HS3ST4: variants seen among roughly 807,000 people sequenced by gnomAD.
HS3ST4 encodes heparan sulfate-glucosamine 3-sulfotransferase 4.
In HS3ST4, 17 loss-of-function variants were observed where a neutral mutation model predicts 29.2. The ratio of observed to expected loss-of-function variants is 0.58; its 90% CI spans 0.40 to 0.87. HS3ST4 has a LOEUF of 0.87. Among genes scored for constraint, HS3ST4 ranks in the 40% least tolerant of loss-of-function variants. The pLI, the probability that HS3ST4 is intolerant of heterozygous loss-of-function variation, is 0.00. For missense variants in HS3ST4, 627 were observed against 634.5 expected (o/e 0.99, Z 0.13); for synonymous variants, 314 against 285.7 (o/e 1.10, Z -1.00).
At chr16:26,097,105 CA>C (rs2141794035) in intron 1 of HS3ST4, among the ~76,000 whole-genome samples, 1 of 152,286 alleles carries the variant, frequency 6.6e-6, no homozygotes, top group South Asian at 2.1e-4. Context: ...AATGGAAGAA[CA>C]TTCCATGCTC....
intron 1 of HS3ST4, among the ~76,000 whole-genome samples, chr16:25,991,066 T>C (rs1199206574): frequency 6.7e-6 from 1 of 148,816 alleles, no homozygotes; most frequent in Non-Finnish European, 1.5e-5. Context: ...GACCTCAGCA[T>C]GCTCTCCAAG....
intron 1 of HS3ST4, among the ~76,000 whole-genome samples, chr16:25,828,538 A>G (rs763542656): frequency 2.6e-5 from 4 of 151,842 alleles, no homozygotes; most frequent in Non-Finnish European, 5.9e-5. Context: ...ATGGGGTTTC[A>G]TCTTGTTGGC....
chr16:25,865,668 A>G (rs1002907497), intron 1 of HS3ST4, among the ~76,000 whole-genome samples: 2 of 152,220 alleles, frequency 1.3e-5, no homozygotes, highest in Admixed American at 6.5e-5. Context: ...AAGTAAATCA[A>G]TCAATTTATG....
chr16:25,944,984 A>G (rs1441373425), intron 1 of HS3ST4, among the ~76,000 whole-genome samples: 1 of 152,198 alleles, frequency 6.6e-6, no homozygotes, highest in East Asian at 1.9e-4. Flanking sequence ...AATTTCATAA[A>G]ATGTTACTAT....
chr16:26,102,017 G>T (rs1898995803), intron 1 of HS3ST4, among the ~76,000 whole-genome samples: 1 of 152,028 alleles, frequency 6.6e-6, no homozygotes, highest in African/African-American at 2.4e-5. Flanking sequence ...TACATTGTTT[G>T]TTTGTTTGTT....
intron 1 of HS3ST4, among the ~76,000 whole-genome samples, chr16:25,775,188 G>A (rs1158113909): frequency 6.6e-6 from 1 of 152,152 alleles, no homozygotes; most frequent in Non-Finnish European, 1.5e-5. Context: ...ATGTGTCGGA[G>A]GATGGTTTGC....
rs188777892 is a variant in HS3ST4, at chr16:26,111,538, G to A, written c.735-24074G>A. Among the ~76,000 whole-genome samples the A allele has an allele frequency of 1.6e-4, 25 of 152,202 alleles. No homozygotes were observed. In the East Asian group the frequency reaches 4.8e-3, roughly 29 times the overall value. On this transcript the variant is annotated intron_variant, in intron 1 of 1. Coordinates refer to ENST00000331351, the MANE Select transcript of HS3ST4 (RefSeq NM_006040.3). The stretch of plus-strand genomic sequence containing the variant: ...AAGCTATAATGAAAACAAGGGGATG[G>A]TTAATATATAATTCAGTATAGTAGT...
chr16:26,090,887 G>A (rs1451422660), intron 1 of HS3ST4, among the ~76,000 whole-genome samples: 3 of 152,152 alleles, frequency 2.0e-5, no homozygotes, highest in African/African-American at 7.2e-5. Context: ...GTGGGAGAAT[G>A]AGGTGCATGC....
chr16:26,103,556 A>G (rs12149096), intron 1 of HS3ST4, among the ~76,000 whole-genome samples: 28,341 of 152,122 alleles, frequency 0.19, 3,312 homozygotes, highest in Middle Eastern at 0.3. Flanking sequence ...CCTACTCCCT[A>G]CAGCCCAAGG....
chr16:25,908,439 T>C (rs573833732), intron 1 of HS3ST4, among the ~76,000 whole-genome samples: 5 of 152,196 alleles, frequency 3.3e-5, no homozygotes, highest in Non-Finnish European at 5.9e-5. Flanking sequence ...CAAGTCATGA[T>C]TGAACATCTG....
intron 1 of HS3ST4, among the ~76,000 whole-genome samples, chr16:25,860,018 G>A (rs1967620994): frequency 1.3e-5 from 2 of 152,282 alleles, no homozygotes; most frequent in South Asian, 4.2e-4. Flanking sequence ...TGTGAACTGT[G>A]CATGCGAGGG....
At position 25,692,423 on chromosome 16, in the gene HS3ST4, C is replaced by T; in HGVS notation, c.6C>T (p.Ala2=). M[A]RWPAPPPPPP... Reference sequence around the variant, plus strand: ...GCCGCGAGCCGGGAGCCGCGATGGCCCGGTGGCCCGCACCTCCTCCGCCTC... The same window carrying T: ...GCCGCGAGCCGGGAGCCGCGATGGCTCGGTGGCCCGCACCTCCTCCGCCTC... The change falls in exon 1 of 2, where the codon GCC becomes GCT. Residue 2 remains alanine, a synonymous_variant. Coordinates refer to ENST00000331351, the MANE Select transcript of HS3ST4 (RefSeq NM_006040.3). The T allele has an allele frequency of 1.9e-6, 2 of 1,077,670 alleles. No homozygotes were observed. Among genetic ancestry groups the T allele is most frequent in the Non-Finnish European group, 1.1e-6 (1 of 872,790 alleles). 66.8% of individuals were successfully genotyped at this position (1,077,670 alleles called of 1,614,324 possible). A position where few individuals can be genotyped will look rare whatever the true frequency, so the allele number is the denominator to read the frequency against.
At chr16:26,012,902 C>T (rs1216784129) in intron 1 of HS3ST4, among the ~76,000 whole-genome samples, 3 of 152,152 alleles carry the variant, frequency 2.0e-5, no homozygotes, top group African/African-American at 2.4e-5. Context: ...CAGTGGCTCA[C>T]GCCTGTAATC....
At chr16:26,083,494 A>G (rs577838015) in intron 1 of HS3ST4, among the ~76,000 whole-genome samples, 1 of 152,216 alleles carries the variant, frequency 6.6e-6, no homozygotes, top group East Asian at 1.9e-4. Flanking sequence ...TTTTTTCCAT[A>G]AAGGGCCAGG....
chr16:26,061,307 A>G (rs913817551), intron 1 of HS3ST4, among the ~76,000 whole-genome samples: 2 of 152,242 alleles, frequency 1.3e-5, no homozygotes, highest in African/African-American at 4.8e-5. Context: ...TCTTCCTTTA[A>G]CAGGAGATTG....
At chr16:26,115,604 G>A (rs982694884) in intron 1 of HS3ST4, among the ~76,000 whole-genome samples, 12 of 152,122 alleles carry the variant, frequency 7.9e-5, no homozygotes, top group South Asian at 6.2e-4. Context: ...CCTGGAATCC[G>A]GGTAGCATAT....
At chr16:25,871,127 A>C (rs1967747646) in intron 1 of HS3ST4, among the ~76,000 whole-genome samples, 1 of 152,166 alleles carries the variant, frequency 6.6e-6, no homozygotes, top group South Asian at 2.1e-4. Context: ...GACATACAAG[A>C]GTTTTTGGAG....
chr16:25,695,319 G>C (rs1055488332), intron 1 of HS3ST4, among the ~76,000 whole-genome samples: 2 of 152,122 alleles, frequency 1.3e-5, no homozygotes, highest in African/African-American at 4.8e-5. Flanking sequence ...GAAAGCACTG[G>C]ACACAAAATT....
At chr16:25,733,108 T>C (rs1314429194) in intron 1 of HS3ST4, among the ~76,000 whole-genome samples, 1 of 152,222 alleles carries the variant, frequency 6.6e-6, no homozygotes, top group African/African-American at 2.4e-5. Context: ...AGGCTTTCTC[T>C]TCCTCTGGGA....
Sources: allele counts gnomAD v4.1 joint callset (sites outside exome capture counted in the v4.1 genomes callset), GRCh38; gene constraint gnomAD v4.1.1; transcripts MANE v1.5; gene names NCBI Gene and HGNC (gene_info 2026-07-23, HGNC 2026-07-21).